EYS: variants seen among roughly 807,000 people sequenced by gnomAD.
The protein encoded by EYS is EGF-like photoreceptor maintenance factor.
A neutral mutation model predicts 282.1 loss-of-function variants in EYS; 250 were observed. The observed-to-expected ratio is 0.89, with a 90% CI of 0.80 to 0.98. The LOEUF (loss-of-function observed/expected upper bound fraction) is 0.98. Ranked by LOEUF, EYS falls within the 50% of genes least tolerant of loss-of-function variation. The pLI, the probability that EYS is intolerant of heterozygous loss-of-function variation, is 0.00. For missense variants in EYS, 4,016 were observed against 3,709.0 expected (o/e 1.08, Z -2.15); for synonymous variants, 1,355 against 1,282.9 (o/e 1.06, Z -1.20).
At chr6:65,507,699 A>G (rs1217768194) in intron 2 of EYS, among the ~76,000 whole-genome samples, 2 of 151,942 alleles carry the variant, frequency 1.3e-5, no homozygotes, top group African/African-American at 4.8e-5. Flanking sequence ...ATCTTTCCTT[A>G]GCTTTCTACC....
intron 19 of EYS, among the ~76,000 whole-genome samples, chr6:64,858,469 A>G (rs1016631955): frequency 6.6e-6 from 1 of 151,760 alleles, no homozygotes; most frequent in African/African-American, 2.4e-5. Flanking sequence ...CTCTCTTTTT[A>G]TGCTAGTACC....
At chr6:64,598,769 T>C (rs1766667635) in intron 24 of EYS, among the ~76,000 whole-genome samples, 1 of 152,242 alleles carries the variant, frequency 6.6e-6, no homozygotes, top group African/African-American at 2.4e-5. Flanking sequence ...TTATATACTT[T>C]GTATTTTAGG....
rs75718209 is a variant in EYS at position 63,883,847 on chromosome 6, C to G, written c.7056-19489G>C. On this transcript the variant is annotated intron_variant, in intron 35 of 42. Transcript: ENST00000503581. ...TGTATGATACTCTCATGGCTGACGC[C>G]TTCTCATCATTCAGTTTCAGCCTCA... Among the ~76,000 whole-genome samples the G allele has an allele frequency of 8.4e-3, 1,286 of 152,296 alleles. 13 individuals are homozygous for G. Among genetic ancestry groups the G allele is most frequent in the African/African-American group, 0.029 (1,189 of 41,552 alleles).
At chr6:65,630,518 A>T (rs1307793821) in intron 2 of EYS, among the ~76,000 whole-genome samples, 3 of 152,204 alleles carry the variant, frequency 2.0e-5, no homozygotes, top group Non-Finnish European at 4.4e-5. Context: ...ATATTTATCT[A>T]AAAAAATTTC....
At chr6:63,814,131 G>C (rs2149682724) in intron 36 of EYS, among the ~76,000 whole-genome samples, 1 of 152,184 alleles carries the variant, frequency 6.6e-6, no homozygotes, top group East Asian at 1.9e-4. Flanking sequence ...TGTTGTTTCT[G>C]TTTTTTGTTG....
At position 65,694,958 on chromosome 6, in the gene EYS, T is replaced by G. The variant is rs183287594; in HGVS notation, c.-448+12177A>C. ...AAGAGAGAAAATTCCTTAATCTCCC[T>G]GATAAAGTCATAAAAATTTTCAAAA... On this transcript the variant is annotated intron_variant, in intron 1 of 42. Transcript: ENST00000503581. Among the ~76,000 whole-genome samples the G allele has an allele frequency of 3.0e-3, 455 of 152,102 alleles. 3 individuals carry two copies. The highest frequency in any genetic ancestry group is 0.01 in the African/African-American group (435 of 41,530).
intron 12 of EYS, among the ~76,000 whole-genome samples, chr6:65,276,066 G>C (rs1164134113): frequency 6.6e-6 from 1 of 152,136 alleles, no homozygotes. Context: ...CATGCTCATA[G>C]ATTTCCCTGG....
chr6:64,971,856 T>C (rs575928743), intron 14 of EYS, among the ~76,000 whole-genome samples: 52 of 152,144 alleles, frequency 3.4e-4, no homozygotes, highest in Non-Finnish European at 8.8e-5. Context: ...GAGATGCCTT[T>C]GTTGTTACAG....
At chr6:64,614,698 T>C (rs570099673) in intron 24 of EYS, among the ~76,000 whole-genome samples, 4 of 152,254 alleles carry the variant, frequency 2.6e-5, no homozygotes, top group Non-Finnish European at 4.4e-5. Context: ...ATTTGTCCAG[T>C]ACACTTACAT....
At chr6:63,838,728 C>A (rs1771873371) in intron 36 of EYS, among the ~76,000 whole-genome samples, 1 of 152,024 alleles carries the variant, frequency 6.6e-6, no homozygotes, top group South Asian at 2.1e-4. Context: ...AAGAGTAGGC[C>A]TCTCTTGGCT....
At chr6:65,624,557 A>C (rs753681649) in intron 2 of EYS, among the ~76,000 whole-genome samples, 4 of 152,104 alleles carry the variant, frequency 2.6e-5, no homozygotes, top group Non-Finnish European at 4.4e-5. Flanking sequence ...GGTGTTGCCA[A>C]AGGAGATTAA....
intron 33 of EYS, among the ~76,000 whole-genome samples, chr6:64,055,903 T>C (rs1295921073): frequency 6.6e-6 from 1 of 152,046 alleles, no homozygotes; most frequent in Non-Finnish European, 1.5e-5. Flanking sequence ...CAAACCCAAA[T>C]GTCTCAGGCT....
At chr6:63,832,423 G>A (rs1409888277) in intron 36 of EYS, among the ~76,000 whole-genome samples, 2 of 151,980 alleles carry the variant, frequency 1.3e-5, no homozygotes, top group African/African-American at 4.8e-5. Flanking sequence ...CTACCATCAG[G>A]AATACTATAA....
rs1378681479 is a variant in EYS, at chr6:65,609,112, C to T, written c.-333+30666G>A. The stretch of plus-strand genomic sequence containing the variant: ...ATAAAGTAGCACATAATTATATTTG[C>T]TTATATTTTTTGTATGACTGGCAGA... On this transcript the variant is annotated intron_variant, in intron 2 of 42. Transcript: ENST00000503581. Among the ~76,000 whole-genome samples, 3 of 151,836 alleles carry T rather than the reference C, an allele frequency of 2.0e-5. No individual in the cohort carries two copies. The East Asian group carries it at 5.8e-4, about 29-fold the overall frequency.
intron 32 of EYS, among the ~76,000 whole-genome samples, chr6:64,067,218 T>G (rs1771404126): frequency 1.3e-5 from 2 of 152,272 alleles, no homozygotes; most frequent in South Asian, 4.1e-4. Context: ...AGCCCATGGA[T>G]CTCTCTTTTT....
intron 33 of EYS, among the ~76,000 whole-genome samples, chr6:64,024,396 T>C (rs537755822): frequency 1.6e-4 from 25 of 152,178 alleles, no homozygotes; most frequent in Admixed American, 3.9e-4. Context: ...TTGGAGAACA[T>C]CTGTGTCTAG....
At chr6:65,519,708 A>ATTTTTT (rs59743261) in intron 2 of EYS, among the ~76,000 whole-genome samples, 13 of 42,562 alleles carry the variant, frequency 3.1e-4, no homozygotes, top group East Asian at 1.1e-3. Flanking sequence ...ATATATATAT[A>ATTTTTT]TTTTTTTTTT....
At chr6:65,525,451 C>T (rs75940045) in intron 2 of EYS, among the ~76,000 whole-genome samples, 5,602 of 152,258 alleles carry the variant, frequency 0.037, 262 homozygotes, top group African/African-American at 0.11. Context: ...CCATTCTAAC[C>T]GGAAAATTCA....
chr6:64,870,705 A>G (rs2150053908), intron 19 of EYS, among the ~76,000 whole-genome samples: 1 of 151,954 alleles, frequency 6.6e-6, no homozygotes, highest in African/African-American at 2.4e-5. Flanking sequence ...AAGAAACTAT[A>G]TGAACAAATT....
Sources: gnomAD v4.1 joint callset for allele counts (sites outside exome capture counted in the v4.1 genomes callset) on GRCh38, gnomAD v4.1.1 for gene constraint, MANE v1.5 for transcripts, NCBI Gene and HGNC (gene_info 2026-07-23, HGNC 2026-07-21) for gene names.